Variants in ATG5 observed in about 807,000 individuals in gnomAD.
ATG5 encodes the protein autophagy protein 5.
ATG5 carries 14 observed loss-of-function variants against 36.5 expected under a neutral mutation model. That is an observed-to-expected ratio of 0.38 (90% confidence interval 0.25 to 0.60). ATG5 has a LOEUF of 0.60. Among genes scored for constraint, ATG5 ranks in the 20% least tolerant of loss-of-function variants. ATG5 has a pLI of 0.60. For missense variants in ATG5, 195 were observed against 326.7 expected, an observed-to-expected ratio of 0.60 and a Z score of 3.11; for synonymous variants, 95 against 101.5, an observed-to-expected ratio of 0.94 and a Z score of 0.38.
chr6:106,300,964 C>T (rs1453288891), intron 3 of ATG5, among the ~76,000 whole-genome samples: 2 of 151,984 alleles, frequency 1.3e-5, no homozygotes, highest in Non-Finnish European at 2.9e-5. Flanking sequence ...TTCTAAATTT[C>T]GTGCTTGAAG....
intron 4 of ATG5, among the ~76,000 whole-genome samples, chr6:106,282,269 G>C (rs1215816293): frequency 6.6e-6 from 1 of 152,184 alleles, no homozygotes; most frequent in Non-Finnish European, 1.5e-5. Flanking sequence ...CACGGCGCAA[G>C]TCTTCTATGT....
intron 6 of ATG5, 127 bp from the exon 7 acceptor site, chr6:106,202,216 A>T: frequency 1.6e-6 from 1 of 629,282 alleles, no homozygotes; most frequent in South Asian, 2.1e-5. Flanking sequence ...TAATTACACA[A>T]CATCACAGAT....
intron 3 of ATG5, among the ~76,000 whole-genome samples, chr6:106,295,494 C>T (rs1769886545): frequency 6.6e-6 from 1 of 151,954 alleles, no homozygotes; most frequent in Non-Finnish European, 1.5e-5. Context: ...GTGTGAAACA[C>T]TTTTGTGAAT....
intron 7 of ATG5, among the ~76,000 whole-genome samples, chr6:106,195,160 C>T (rs1776125021): frequency 1.3e-5 from 2 of 152,206 alleles, no homozygotes; most frequent in Non-Finnish European, 2.9e-5. Context: ...TGACCTAAAG[C>T]ACGTATTCAT....
At chr6:106,243,650 G>T (rs1778213069) in intron 6 of ATG5, among the ~76,000 whole-genome samples, 1 of 151,244 alleles carries the variant, frequency 6.6e-6, no homozygotes, top group African/African-American at 2.4e-5. Flanking sequence ...GACCAATATG[G>T]TGAAACCCTG....
intron 5 of ATG5, among the ~76,000 whole-genome samples, chr6:106,263,252 A>G (rs1779097559): frequency 6.6e-6 from 1 of 152,206 alleles, no homozygotes; most frequent in Admixed American, 6.5e-5. Context: ...GGAATTCACC[A>G]CAGTCCAACA....
chr6:106,213,223 A>G (rs1347946772), intron 6 of ATG5, among the ~76,000 whole-genome samples: 1 of 152,266 alleles, frequency 6.6e-6, no homozygotes, highest in Non-Finnish European at 1.5e-5. Flanking sequence ...ATACAAAGAT[A>G]AATAACATGC....
chr6:106,227,184 C>T (rs1320802075), intron 6 of ATG5, among the ~76,000 whole-genome samples: 2 of 152,154 alleles, frequency 1.3e-5, no homozygotes, highest in East Asian at 1.9e-4. Context: ...TAAAGAGAGA[C>T]TCTCAAAACA....
At chr6:106,220,322 T>C (rs1039499777) in intron 6 of ATG5, among the ~76,000 whole-genome samples, 1 of 152,156 alleles carries the variant, frequency 6.6e-6, no homozygotes, top group African/African-American at 2.4e-5. Flanking sequence ...TTAGCACTAA[T>C]TATTACAAAC....
chr6:106,199,807 T>C (rs1466609007), intron 7 of ATG5, among the ~76,000 whole-genome samples: 1 of 152,196 alleles, frequency 6.6e-6, no homozygotes, highest in Non-Finnish European at 1.5e-5. Flanking sequence ...TGTTTCATGG[T>C]AATGATAGAA....
intron 5 of ATG5, among the ~76,000 whole-genome samples, chr6:106,262,163 C>A (rs564954032): frequency 6.6e-6 from 1 of 152,316 alleles, no homozygotes; most frequent in African/African-American, 2.4e-5. Flanking sequence ...ACCTCCGCCT[C>A]CCAGGTTCAA....
intron 6 of ATG5, among the ~76,000 whole-genome samples, chr6:106,209,229 A>G (rs747679942): frequency 6.6e-6 from 1 of 152,216 alleles, no homozygotes; most frequent in Non-Finnish European, 1.5e-5. Context: ...ATGAACGTTC[A>G]TAGCTGTTTT....
At chr6:106,225,881 T>C (rs1263315621) in intron 6 of ATG5, among the ~76,000 whole-genome samples, 1 of 152,114 alleles carries the variant, frequency 6.6e-6, no homozygotes, top group African/African-American at 2.4e-5. Flanking sequence ...ACAAACAAGC[T>C]AACCAAAAAA....
intron 4 of ATG5, among the ~76,000 whole-genome samples, chr6:106,287,974 C>CTT (rs756510208): frequency 5.7e-5 from 8 of 140,516 alleles, no homozygotes; most frequent in African/African-American, 7.8e-5. Flanking sequence ...CCACAATTAA[C>CTT]TTTTTTTTTT....
intron 4 of ATG5, among the ~76,000 whole-genome samples, chr6:106,292,583 A>G (rs490010): frequency 0.61 from 92,472 of 152,074 alleles, 29,525 homozygotes; most frequent in African/African-American, 0.81. Flanking sequence ...CCATATCCAC[A>G]TCTACATGCA....
intron 5 of ATG5, among the ~76,000 whole-genome samples, chr6:106,261,782 T>C (rs947562499): frequency 2.0e-5 from 3 of 152,188 alleles, no homozygotes; most frequent in Admixed American, 2.0e-4. Context: ...CAGAGCCTAT[T>C]GTTAGGCTGG....
At chr6:106,205,665 T>A (rs1204990598) in intron 6 of ATG5, among the ~76,000 whole-genome samples, 1 of 152,162 alleles carries the variant, frequency 6.6e-6, no homozygotes, top group African/African-American at 2.4e-5. Context: ...ATTGGAGAAA[T>A]ATCCTGTTAT....
At chr6:106,241,943 C>T (rs897941864) in intron 6 of ATG5, among the ~76,000 whole-genome samples, 1 of 151,882 alleles carries the variant, frequency 6.6e-6, no homozygotes, top group Non-Finnish European at 1.5e-5. Context: ...ACTACCACCA[C>T]CACCATGATG....
At chr6:106,227,026 G>A (rs1440650768) in intron 6 of ATG5, among the ~76,000 whole-genome samples, 1 of 151,884 alleles carries the variant, frequency 6.6e-6, no homozygotes, top group Admixed American at 6.6e-5. Context: ...GCAGAAAAAG[G>A]GTCAGAGTAT....
Sources: allele counts gnomAD v4.1 joint callset (sites outside exome capture counted in the v4.1 genomes callset), GRCh38; gene constraint gnomAD v4.1.1; transcripts MANE v1.5; gene names NCBI Gene and HGNC (gene_info 2026-07-23, HGNC 2026-07-21).